CWC27: variants seen among roughly 807,000 people sequenced by gnomAD.
CWC27 encodes spliceosome-associated protein CWC27 homolog.
CWC27 carries 47 observed loss-of-function variants against 63.6 expected under a neutral mutation model. That is an observed-to-expected ratio of 0.74 (90% confidence interval 0.58 to 0.94). The LOEUF (loss-of-function observed/expected upper bound fraction) is 0.94, where lower values mean the gene tolerates loss of function less well. Ranked by LOEUF, CWC27 falls within the 40% of genes least tolerant of loss-of-function variation. The pLI, the probability that CWC27 is intolerant of heterozygous loss-of-function variation, is 0.00. For missense variants in CWC27, 495 were observed against 554.3 expected, an observed-to-expected ratio of 0.89 and a Z score of 1.07; for synonymous variants, 175 against 179.8, an observed-to-expected ratio of 0.97 and a Z score of 0.22.
chr5:64,902,900 T>C (rs916497759), intron 11 of CWC27, among the ~76,000 whole-genome samples: 3 of 152,268 alleles, frequency 2.0e-5, no homozygotes, highest in Non-Finnish European at 4.4e-5. Flanking sequence ...CCCTGAGCAC[T>C]GTTTTGTAGT....
intron 1 of CWC27, among the ~76,000 whole-genome samples, chr5:64,769,842 A>G (rs1461098753): frequency 6.6e-6 from 1 of 152,210 alleles, no homozygotes; most frequent in Non-Finnish European, 1.5e-5. Flanking sequence ...AATGGGGACT[A>G]TTACCACATT....
chr5:64,986,540 G>A (rs1013943258), intron 13 of CWC27, among the ~76,000 whole-genome samples: 1 of 152,168 alleles, frequency 6.6e-6, no homozygotes, highest in Non-Finnish European at 1.5e-5. Context: ...GGATAATGCT[G>A]ACTTCATAGA....
At chr5:64,887,513 T>C (rs1747104840) in intron 11 of CWC27, among the ~76,000 whole-genome samples, 1 of 152,144 alleles carries the variant, frequency 6.6e-6, no homozygotes, top group African/African-American at 2.4e-5. Context: ...ACTGCAAGCA[T>C]GCACCACCAC....
chr5:64,814,154 C>G (rs1744963545), intron 10 of CWC27, among the ~76,000 whole-genome samples: 1 of 151,610 alleles, frequency 6.6e-6, no homozygotes, highest in Non-Finnish European at 1.5e-5. Flanking sequence ...AACTCTTCTT[C>G]TTCCAGTGTG....
intron 11 of CWC27, among the ~76,000 whole-genome samples, chr5:64,930,509 T>C (rs1748216315): frequency 6.6e-6 from 1 of 152,084 alleles, no homozygotes. Flanking sequence ...GAATGAATAC[T>C]TAGAAGAGAA....
intron 10 of CWC27, among the ~76,000 whole-genome samples, chr5:64,875,763 G>T (rs937086407): frequency 1.3e-5 from 2 of 152,020 alleles, no homozygotes; most frequent in Non-Finnish European, 2.9e-5. Flanking sequence ...GGAAAAACTT[G>T]CCTTTTTAAT....
intron 10 of CWC27, among the ~76,000 whole-genome samples, chr5:64,849,230 C>CAAAAAAAAAA (rs139344029): frequency 7.5e-6 from 1 of 132,792 alleles, no homozygotes; most frequent in Non-Finnish European, 1.6e-5. Context: ...CAATAGCTAC[C>CAAAAAAAAAA]AAAAAAAAAA....
chr5:64,826,299 T>C (rs1266339703), intron 10 of CWC27, among the ~76,000 whole-genome samples: 2 of 152,218 alleles, frequency 1.3e-5, no homozygotes, highest in African/African-American at 4.8e-5. Context: ...ATTTGGGAAT[T>C]TCTCAAATAT....
Position 64,919,012 on chromosome 5 carries a change from T to C in CWC27, c.1042+33466T>C, listed in dbSNP as rs528113484. Among the ~76,000 whole-genome samples, 21 of 152,352 alleles carry C rather than the reference T, an allele frequency of 1.4e-4. 1 individual carries two copies. The East Asian group carries it at 4.0e-3, about 29-fold the overall frequency. Reference sequence around the variant, plus strand: ...CAGTTCTTAAAACAATGAGATAATGTCTGTTAAATAATTTTAAGTTCCATG... The same window carrying C: ...CAGTTCTTAAAACAATGAGATAATGCCTGTTAAATAATTTTAAGTTCCATG... On this transcript the variant is annotated intron_variant, in intron 11 of 13. Coordinates refer to ENST00000381070, the MANE Select transcript of CWC27 (RefSeq NM_005869.4).
At chr5:64,910,760 G>T (rs1044073702) in intron 11 of CWC27, among the ~76,000 whole-genome samples, 6 of 152,236 alleles carry the variant, frequency 3.9e-5, no homozygotes, top group South Asian at 2.1e-4. Context: ...AGCCGAGCCA[G>T]GCACAGGATA....
chr5:64,804,076 C>A (rs1265686129), intron 9 of CWC27, among the ~76,000 whole-genome samples, 153 bp from the exon 10 acceptor site: 1 of 151,198 alleles, frequency 6.6e-6, no homozygotes, highest in African/African-American at 2.4e-5. Flanking sequence ...GTAGCAGATT[C>A]TTCAAGGGCT....
At chr5:64,792,025 T>A (rs1049487320) in intron 7 of CWC27, among the ~76,000 whole-genome samples, 2 of 152,132 alleles carry the variant, frequency 1.3e-5, no homozygotes, top group African/African-American at 4.8e-5. Flanking sequence ...TCCCCTCTCT[T>A]CTTTTCCTTC....
Position 64,769,169 on chromosome 5 carries a change from A to G in CWC27, c.23A>G (p.Glu8Gly). The change falls in exon 1 of 14, where the codon GAG becomes GGG. Residue 8 changes from glutamate to glycine, a missense_variant. Physicochemically the swap from Glu to Gly is moderately conservative, Grantham distance 98 (BLOSUM62 -2). Around this residue, in one of 3 missense-constraint regions of CWC27, gnomAD observed 463 missense variants for 498.1 expected, o/e 0.93. Coordinates refer to ENST00000381070, the MANE Select transcript of CWC27 (RefSeq NM_005869.4). Reference protein sequence around the residue: MSNIYIQEPPTNGKVLLK... With the variant: MSNIYIQGPPTNGKVLLK... ...AAGATGAGCAACATCTACATCCAGG[A>G]GCCTCCCACGAATGGGAAGGTGAGA... 1 of 1,614,120 alleles carries G rather than the reference A, an allele frequency of 6.2e-7. No individual in the cohort carries two copies. The highest frequency in any genetic ancestry group is 8.5e-7 in the Non-Finnish European group (1 of 1,180,026).
chr5:64,785,442 G>A, intron 4 of CWC27, 39 bp from the exon 5 acceptor site: 1 of 951,374 alleles, frequency 1.1e-6, no homozygotes, highest in East Asian at 2.9e-5. Context: ...AAGGATGAGT[G>A]CAATAATTTT....
At chr5:64,905,539 TAA>T (rs1322421048) in intron 11 of CWC27, among the ~76,000 whole-genome samples, 2 of 152,162 alleles carry the variant, frequency 1.3e-5, no homozygotes, top group South Asian at 2.1e-4. Context: ...ACAAAAGAAA[TAA>T]AGACTAGTAA....
At chr5:64,978,108 T>C (rs905019750) in intron 13 of CWC27, among the ~76,000 whole-genome samples, 5 of 152,182 alleles carry the variant, frequency 3.3e-5, no homozygotes, top group Admixed American at 6.5e-5. Flanking sequence ...ACTCCCATCC[T>C]TCAGGAAACC....
At chr5:64,887,719 A>G (rs992385484) in intron 11 of CWC27, among the ~76,000 whole-genome samples, 2 of 152,166 alleles carry the variant, frequency 1.3e-5, no homozygotes, top group African/African-American at 4.8e-5. Flanking sequence ...ATCATTTTTA[A>G]TCATGAGGAA....
intron 13 of CWC27, among the ~76,000 whole-genome samples, chr5:65,002,503 G>A (rs1314982671): frequency 6.6e-6 from 1 of 151,754 alleles, no homozygotes. Context: ...ATTTTCATTT[G>A]TTTAAACAAG....
At chr5:64,813,979 G>A (rs1272295697) in intron 10 of CWC27, among the ~76,000 whole-genome samples, 2 of 151,952 alleles carry the variant, frequency 1.3e-5, no homozygotes, top group South Asian at 2.1e-4. Context: ...TGTCCAACCC[G>A]TGGCCCATGG....
Sources: allele counts gnomAD v4.1 joint callset (sites outside exome capture counted in the v4.1 genomes callset), GRCh38; gene constraint gnomAD v4.1.1; regional missense constraint gnomAD v4.1.1; transcripts MANE v1.5; gene names NCBI Gene and HGNC (gene_info 2026-07-23, HGNC 2026-07-21).